The following ITGAE variants were observed in gnomAD, a reference collection of about 807,000 sequenced individuals.
ITGAE encodes the protein integrin alpha-E.
In ITGAE, 99 loss-of-function variants were observed where a neutral mutation model predicts 136.5. The observed-to-expected ratio is 0.73, with a 90% CI of 0.62 to 0.86. ITGAE has a LOEUF of 0.86. ITGAE is among the 40% of genes least tolerant of loss of function. The pLI is 0.00. For missense variants in ITGAE, 1,447 were observed against 1,515.3 expected (o/e 0.95, Z 0.75); for synonymous variants, 613 against 591.8 (o/e 1.04, Z -0.52).
intron 1 of ITGAE, among the ~76,000 whole-genome samples, chr17:3,783,365 T>G (rs1408610546): frequency 1.3e-5 from 2 of 152,012 alleles, no homozygotes; most frequent in Non-Finnish European, 2.9e-5. Flanking sequence ...GGTCTCATAC[T>G]CGTCCTGACC....
At chr17:3,754,009 C>A in intron 12 of ITGAE, 84 bp from the exon 13 acceptor site, 1 of 1,524,974 alleles carries the variant, frequency 6.6e-7, no homozygotes, top group Non-Finnish European at 8.9e-7. Context: ...CCCAGTCAGG[C>A]CTTCAAAGTG....
intron 2 of ITGAE, among the ~76,000 whole-genome samples, chr17:3,773,520 TGAG>T: frequency 7.1e-6 from 1 of 141,386 alleles, no homozygotes; most frequent in East Asian, 2.0e-4. Flanking sequence ...AGGATACAGA[TGAG>T]GAGATGCATA....
At chr17:3,767,383 C>T (rs1567545239) in intron 2 of ITGAE, among the ~76,000 whole-genome samples, 1 of 152,092 alleles carries the variant, frequency 6.6e-6, no homozygotes, top group Non-Finnish European at 1.5e-5. Context: ...CAGGTGTGAG[C>T]CACCACACCC....
intron 20 of ITGAE, among the ~76,000 whole-genome samples, chr17:3,735,253 C>T (rs1484101346): frequency 1.3e-5 from 2 of 152,208 alleles, no homozygotes; most frequent in African/African-American, 4.8e-5. Context: ...CTGCAACCTC[C>T]ACCTCCCAGG....
In ITGAE at chr17:3,801,117, T is replaced by C. The variant is rs553671757; in HGVS notation, c.28A>G (p.Ile10Val). The C allele has an allele frequency of 6.2e-6, 10 of 1,612,794 alleles. No individual in the cohort carries two copies. Among genetic ancestry groups the C allele is most frequent in the East Asian group, 2.2e-5 (1 of 44,886 alleles). Residue 10 changes from isoleucine to valine, a missense_variant, in exon 1 of 31, where the codon ATA becomes GTA. By Grantham distance (29) the Ile-to-Val change is conservative (BLOSUM62 3). Transcript: ENST00000263087. ...AGCGGGTGAGAGGACTTACTGGCTA[T>C]GCAGAGCAGAGTGTGGAAGAGCCAC... MWLFHTLLC[I>V]ASLALLAAFN...
At chr17:3,718,211 T>A (rs1395344160) in intron 29 of ITGAE, 1 of 152,264 alleles carries the variant, frequency 6.6e-6, no homozygotes, top group East Asian at 1.9e-4. Context: ...GTGACTGACA[T>A]GAGATTCAGA....
At chr17:3,720,181 T>A in intron 29 of ITGAE, 126 bp downstream of exon 29, 1 of 589,162 alleles carries the variant, frequency 1.7e-6, no homozygotes, top group South Asian at 2.1e-5. Context: ...AAGGCAGCGA[T>A]GGCAGAGCCA....
intron 14 of ITGAE, among the ~76,000 whole-genome samples, chr17:3,752,767 A>G (rs938608831): frequency 4.0e-5 from 6 of 149,466 alleles, no homozygotes; most frequent in Admixed American, 6.7e-5. Flanking sequence ...AAAAAAAAAA[A>G]TGCTGGGCGA....
intron 1 of ITGAE, among the ~76,000 whole-genome samples, chr17:3,795,893 GTGTGCATCTGTGTA>G (rs2053060600): frequency 6.6e-6 from 1 of 151,186 alleles, no homozygotes; most frequent in Non-Finnish European, 1.5e-5. Context: ...GCATCCGTGT[GTGTGCATCTGTGTA>G]TGCGCATCCG....
intron 20 of ITGAE, among the ~76,000 whole-genome samples, chr17:3,737,207 C>A (rs563452599): frequency 6.6e-6 from 1 of 152,270 alleles, no homozygotes; most frequent in South Asian, 2.1e-4. Flanking sequence ...GCAGGAGAAG[C>A]ACTTGAAGCC....
At position 3,782,290 on chromosome 17, in the gene ITGAE, A is replaced by AC. The variant is rs1322942559; in HGVS notation, c.35-4631_35-4630insG. Among the ~76,000 whole-genome samples, 6 of 148,640 alleles carry AC rather than the reference A, an allele frequency of 4.0e-5. No homozygotes were observed. In the Admixed American group the frequency reaches 4.0e-4, roughly 10 times the overall value. On this transcript the variant is annotated intron_variant, in intron 1 of 30. Coordinates refer to ENST00000263087, the MANE Select transcript of ITGAE (RefSeq NM_002208.5). The stretch of plus-strand genomic sequence containing the variant: ...ACTCGGCCTCAAAAAAAAAAAAAAA[A>AC]AAAAAAAAAAAGCATGGTCTGACCA...
At chr17:3,752,451 A>G (rs1407958309) in intron 14 of ITGAE, among the ~76,000 whole-genome samples, 1 of 152,178 alleles carries the variant, frequency 6.6e-6, no homozygotes, top group Non-Finnish European at 1.5e-5. Flanking sequence ...TTTGCCAACC[A>G]TGCAGCTGTA....
chr17:3,796,605 C>G (rs1401953591), intron 1 of ITGAE, among the ~76,000 whole-genome samples: 1 of 152,082 alleles, frequency 6.6e-6, no homozygotes, highest in East Asian at 1.9e-4. Flanking sequence ...CCCAATCCCC[C>G]CTCCCGTGTT....
chr17:3,788,987 T>A (rs2052872615), intron 1 of ITGAE, among the ~76,000 whole-genome samples: 1 of 152,054 alleles, frequency 6.6e-6, no homozygotes, highest in South Asian at 2.1e-4. Context: ...GACTCACGCC[T>A]GTAATCCCAG....
At position 3,759,494 on chromosome 17, in the gene ITGAE, G is replaced by T. The variant is rs2052113400; in HGVS notation, c.774C>A (p.Asp258Glu). 4.3e-6 allele frequency: 7 copies of T among 1,614,198 alleles called. No individual in the cohort carries two copies. The highest frequency in any genetic ancestry group is 5.9e-6 in the Non-Finnish European group (7 of 1,180,022). ...CGAGGGAGGCCATCACATCCTGGCTGTCCCGAAGGTCAAACTCAGTCTGGA... is the reference window on the plus strand; with the variant it reads ...CGAGGGAGGCCATCACATCCTGGCTTTCCCGAAGGTCAAACTCAGTCTGGA... ...GVIQTEFDLRDSQDVMASLAR... is the reference protein window; with the variant it reads ...GVIQTEFDLRESQDVMASLAR... Residue 258 changes from aspartate to glutamate, a missense_variant, in exon 8 of 31, where the codon GAC becomes GAA. Transcript: ENST00000263087.
At chr17:3,727,001 AT>A (rs1274250595) in intron 26 of ITGAE, among the ~76,000 whole-genome samples, 1 of 151,896 alleles carries the variant, frequency 6.6e-6, no homozygotes, top group Non-Finnish European at 1.5e-5. Context: ...GTGCTGGGTG[AT>A]TACAGGAGTG....
At chr17:3,764,470 G>C (rs1455811824) in intron 2 of ITGAE, among the ~76,000 whole-genome samples, 1 of 152,228 alleles carries the variant, frequency 6.6e-6, no homozygotes, top group African/African-American at 2.4e-5. Context: ...GCTGAGGCAG[G>C]TGGATCATCT....
chr17:3,725,213 G>C, intron 26 of ITGAE: 1 of 1,614,160 alleles, frequency 6.2e-7, no homozygotes, highest in Non-Finnish European at 8.5e-7. Context: ...GGCCTGTCAT[G>C]AACAGAACAA....
Position 3,732,396 on chromosome 17 carries a change from A to G in ITGAE, c.2726T>C (p.Ile909Thr). The G allele has an allele frequency of 1.2e-6, 2 of 1,614,110 alleles. No homozygotes were observed. Among genetic ancestry groups the G allele is most frequent in the Non-Finnish European group, 1.7e-6 (2 of 1,179,966 alleles). ...VASVLIMNCR[I>T]GHPVLKRSSA... ...TGACCTCTTGAGGACGGGGTGACCA[A>G]TCCTGCAGTTCATGATCAGGACAGA... The change falls in exon 22 of 31, where the codon ATT becomes ACT. Residue 909 changes from isoleucine to threonine, a missense_variant. Physicochemically the swap from Ile to Thr is moderately conservative, Grantham distance 89. Around this residue, in one of 3 missense-constraint regions of ITGAE, gnomAD observed 1,031 missense variants for 1,011.4 expected, o/e 1.02. Transcript: ENST00000263087.
Sources: gnomAD v4.1 joint callset for allele counts (sites outside exome capture counted in the v4.1 genomes callset) on GRCh38, gnomAD v4.1.1 for gene constraint, gnomAD v4.1.1 regional missense constraint, MANE v1.5 for transcripts, NCBI Gene and HGNC (gene_info 2026-07-23, HGNC 2026-07-21) for gene names.